Variants in OXR1 observed in about 807,000 individuals in gnomAD.
OXR1 encodes the protein oxidation resistance protein 1.
A neutral mutation model predicts 104.6 loss-of-function variants in OXR1; 41 were observed. The observed-to-expected ratio is 0.39, with a 90% CI of 0.31 to 0.51. OXR1 has a LOEUF of 0.51. Among genes scored for constraint, OXR1 ranks in the 20% least tolerant of loss-of-function variants. OXR1 has a pLI of 0.77. For missense variants in OXR1, 955 were observed against 1,031.9 expected, an observed-to-expected ratio of 0.93 and a Z score of 1.02; for synonymous variants, 348 against 348.4, an observed-to-expected ratio of 1.00 and a Z score of 0.01.
In OXR1 at chr8:106,593,193, A is replaced by T. The variant is rs143171598; in HGVS notation, c.220+74054A>T. On this transcript the variant is annotated intron_variant, in intron 3 of 16. Transcript: ENST00000517566. ...CCTACCTCACGGACTGTTAGATCCC[A>T]ATCTTGAGATCAAGGGCTAGGACTT... Among the ~76,000 whole-genome samples, 24 of 152,280 alleles carry T rather than the reference A, an allele frequency of 1.6e-4. 1 individual carries two copies. In the East Asian group the frequency reaches 3.5e-3, roughly 22 times the overall value.
At chr8:106,352,093 G>A (rs966073551) in intron 1 of OXR1, among the ~76,000 whole-genome samples, 4 of 152,180 alleles carry the variant, frequency 2.6e-5, no homozygotes, top group African/African-American at 9.6e-5. Flanking sequence ...TGTATTAGAT[G>A]ACAGCTAAAC....
In OXR1 at chr8:106,334,041, G is replaced by C. The variant is rs145875396; in HGVS notation, c.-138-25435G>C. On this transcript the variant is annotated intron_variant, in intron 1 of 16. Coordinates refer to ENST00000517566, the MANE Select transcript of OXR1 (RefSeq NM_001198533.2). The stretch of plus-strand genomic sequence containing the variant: ...TTTGTGGAGGAATTGTATTTAACCT[G>C]TAGATTAATTTGAGAGGATTACCAT... Among the ~76,000 whole-genome samples, 23 of 152,224 alleles carry C rather than the reference G, an allele frequency of 1.5e-4. No homozygotes were observed. In the East Asian group the frequency reaches 4.4e-3, roughly 29 times the overall value.
chr8:106,536,824 T>C (rs1439685767), intron 3 of OXR1, among the ~76,000 whole-genome samples: 2 of 152,184 alleles, frequency 1.3e-5, no homozygotes, highest in East Asian at 1.9e-4. Context: ...CATTTGTTTT[T>C]TGATTGTATT....
rs930549907 is a variant in OXR1, at chr8:106,346,441, G to A, written c.-138-13035G>A. Among the ~76,000 whole-genome samples the A allele has an allele frequency of 4.1e-4, 62 of 152,134 alleles. 1 individual carries two copies. Among genetic ancestry groups the A allele is most frequent in the Non-Finnish European group, 1.5e-5 (1 of 68,012 alleles). On this transcript the variant is annotated intron_variant, in intron 1 of 16. Coordinates refer to ENST00000517566, the MANE Select transcript of OXR1 (RefSeq NM_001198533.2). Reference sequence around the variant, plus strand: ...TTCAGTCATTTTTCAAGGAGTCATTGTTTCCAGTGGTCCATTTTTTAGGGG... The same window carrying A: ...TTCAGTCATTTTTCAAGGAGTCATTATTTCCAGTGGTCCATTTTTTAGGGG...
At chr8:106,597,966 C>T (rs1228112555) in intron 3 of OXR1, among the ~76,000 whole-genome samples, 3 of 152,196 alleles carry the variant, frequency 2.0e-5, no homozygotes, top group African/African-American at 7.2e-5. Flanking sequence ...CCTCCTCTGG[C>T]CACCCTCTAA....
rs1191119991 is a variant in OXR1, at chr8:106,697,994, G to T, written c.676-4912G>T. On this transcript the variant is annotated intron_variant, in intron 7 of 16. Transcript: ENST00000517566. ...TGCACCTCCTGGCTCAGGCCATAAT[G>T]CAGGTCCCCTGTTGGCCATTCCAAT... is the stretch of plus-strand genomic sequence containing the variant. 4.3e-6 allele frequency: 7 copies of T among 1,613,106 alleles called. No homozygotes were observed. In the East Asian group the frequency reaches 1.6e-4, roughly 36 times the overall value.
Position 106,696,724 on chromosome 8 carries a change from CT to C in OXR1, c.675+3857del, listed in dbSNP as rs559261137. ...TCTAATGGCATATTATATTAAGCGTCTTTTTTTTTTCCTATTCAGAAATGAC... is the reference window on the plus strand; with the variant it reads ...TCTAATGGCATATTATATTAAGCGTCTTTTTTTTTCCTATTCAGAAATGAC... On this transcript the variant is annotated intron_variant, in intron 7 of 16. Coordinates refer to ENST00000517566, the MANE Select transcript of OXR1 (RefSeq NM_001198533.2). Among the ~76,000 whole-genome samples the C allele has an allele frequency of 1.5e-3, 218 of 150,264 alleles. 1 individual carries two copies. Among genetic ancestry groups the C allele is most frequent in the African/African-American group, 5.0e-3 (204 of 41,022 alleles).
At chr8:106,614,757 A>G (rs2130813088) in intron 3 of OXR1, among the ~76,000 whole-genome samples, 1 of 152,320 alleles carries the variant, frequency 6.6e-6, no homozygotes, top group African/African-American at 2.4e-5. Context: ...AGATAAATAG[A>G]TATATTTACT....
intron 1 of OXR1, among the ~76,000 whole-genome samples, chr8:106,323,934 T>C (rs1485566462): frequency 6.6e-6 from 1 of 152,202 alleles, no homozygotes; most frequent in Non-Finnish European, 1.5e-5. Flanking sequence ...CGTTCAACCA[T>C]TGTGGAAAGC....
intron 2 of OXR1, among the ~76,000 whole-genome samples, chr8:106,509,929 G>A (rs1012234630): frequency 2.0e-5 from 3 of 151,870 alleles, no homozygotes; most frequent in African/African-American, 7.3e-5. Flanking sequence ...ACACCACCAC[G>A]CCCCGCTAAT....
At chr8:106,583,542 A>G (rs930953511) in intron 3 of OXR1, among the ~76,000 whole-genome samples, 2 of 152,170 alleles carry the variant, frequency 1.3e-5, no homozygotes, top group Non-Finnish European at 2.9e-5. Context: ...ATCCTCAACT[A>G]AAATGACAGT....
intron 3 of OXR1, chr8:106,618,318 G>A: frequency 1.3e-6 from 1 of 771,710 alleles, no homozygotes; most frequent in Non-Finnish European, 2.2e-6. Flanking sequence ...CGATGCAGTT[G>A]GAGGTTCTAT....
intron 2 of OXR1, among the ~76,000 whole-genome samples, chr8:106,469,322 T>C (rs1403323128): frequency 6.6e-6 from 1 of 151,806 alleles, no homozygotes; most frequent in African/African-American, 2.4e-5. Flanking sequence ...TTACATATCT[T>C]CTCTGAATCT....
intron 2 of OXR1, among the ~76,000 whole-genome samples, chr8:106,405,126 C>A: frequency 8.1e-6 from 1 of 123,424 alleles, no homozygotes; most frequent in South Asian, 2.8e-4. Flanking sequence ...GATTAGAGAG[C>A]CAATTCAGAA....
intron 2 of OXR1, among the ~76,000 whole-genome samples, chr8:106,465,697 T>A (rs1018193333): frequency 1.1e-4 from 16 of 151,864 alleles, no homozygotes; most frequent in Non-Finnish European, 2.1e-4. Flanking sequence ...GATACCAGGG[T>A]TTTTGTTTTC....
At chr8:106,313,177 C>T (rs554507763) in intron 1 of OXR1, among the ~76,000 whole-genome samples, 42 of 151,850 alleles carry the variant, frequency 2.8e-4, no homozygotes, top group Admixed American at 2.7e-3. Context: ...GAGACAATAC[C>T]GGCTTCTCTT....
At chr8:106,566,074 C>T (rs973578525) in intron 3 of OXR1, among the ~76,000 whole-genome samples, 41 of 152,172 alleles carry the variant, frequency 2.7e-4, no homozygotes, top group African/African-American at 8.7e-4. Context: ...GCAAAGACTT[C>T]ATGACTAAAA....
At chr8:106,672,135 A>G (rs1269862176) in intron 3 of OXR1, among the ~76,000 whole-genome samples, 2 of 151,836 alleles carry the variant, frequency 1.3e-5, no homozygotes, top group African/African-American at 4.8e-5. Context: ...GAATCCAAGG[A>G]AGGCAACAAA....
intron 2 of OXR1, among the ~76,000 whole-genome samples, chr8:106,499,817 A>G (rs1811662601): frequency 3.9e-5 from 6 of 152,232 alleles, no homozygotes; most frequent in Admixed American, 3.9e-4. Context: ...AAATAGGAGC[A>G]TGTGTGGTAG....
Sources: gnomAD v4.1 joint callset for allele counts (sites outside exome capture counted in the v4.1 genomes callset) on GRCh38, gnomAD v4.1.1 for gene constraint, MANE v1.5 for transcripts, NCBI Gene and HGNC (gene_info 2026-07-23, HGNC 2026-07-21) for gene names.